The following BTBD9 variants were observed in gnomAD, a reference collection of about 807,000 sequenced individuals.
BTBD9 encodes the protein BTB/POZ domain-containing protein 9.
In BTBD9, 49 loss-of-function variants were observed where a neutral mutation model predicts 64.3. The ratio of observed to expected loss-of-function variants is 0.76; its 90% CI spans 0.61 to 0.97. The LOEUF (loss-of-function observed/expected upper bound fraction) is 0.97, where lower values mean the gene tolerates loss of function less well. Ranked by LOEUF, BTBD9 falls within the 50% of genes least tolerant of loss-of-function variation. BTBD9 has a pLI of 0.00. For missense variants in BTBD9, 598 were observed against 762.1 expected (o/e 0.78, Z 2.53); for synonymous variants, 260 against 274.7 (o/e 0.95, Z 0.53).
chr6:38,344,096 T>C (rs963024838), intron 7 of BTBD9, among the ~76,000 whole-genome samples: 1 of 152,140 alleles, frequency 6.6e-6, no homozygotes, highest in Non-Finnish European at 1.5e-5. Context: ...CCGGAACATA[T>C]GAAGTCCCTT....
intron 6 of BTBD9, among the ~76,000 whole-genome samples, chr6:38,544,199 T>C (rs1774421876): frequency 6.6e-6 from 1 of 152,204 alleles, no homozygotes; most frequent in Non-Finnish European, 1.5e-5. Flanking sequence ...TTAGGTATTA[T>C]AAGTAATCCA....
intron 6 of BTBD9, among the ~76,000 whole-genome samples, chr6:38,470,691 T>A (rs190069674): frequency 1.5e-4 from 23 of 152,106 alleles, no homozygotes; most frequent in African/African-American, 5.1e-4. Context: ...AAGAGAAGAG[T>A]GTGTACCTCT....
chr6:38,550,236 T>C lies in BTBD9; in HGVS notation c.1154+27364A>G, dbSNP rs566366857. On this transcript the variant is annotated intron_variant, in intron 6 of 10. Transcript: ENST00000481247. ...TTCTTCACATTCTTCACTGTCCTTA[T>C]CTCAGTCTAACATAGTTCTATCCTT... Among the ~76,000 whole-genome samples, 4 of 152,322 alleles carry C rather than the reference T, an allele frequency of 2.6e-5. No individual in the cohort carries two copies. In the East Asian group the frequency reaches 7.7e-4, roughly 29 times the overall value.
At chr6:38,511,063 C>T (rs72853429) in intron 6 of BTBD9, among the ~76,000 whole-genome samples, 28,774 of 152,102 alleles carry the variant, frequency 0.19, 3,479 homozygotes, top group Non-Finnish European at 0.29. Flanking sequence ...TGTAATACTA[C>T]AATGTTATGA....
intron 6 of BTBD9, among the ~76,000 whole-genome samples, chr6:38,551,763 C>T (rs556886121): frequency 2.6e-5 from 4 of 152,258 alleles, no homozygotes; most frequent in South Asian, 2.1e-4. Context: ...GGTTTTACAC[C>T]GGCAAACAAT....
chr6:38,618,792 T>C (rs1394956952), intron 1 of BTBD9, among the ~76,000 whole-genome samples: 1 of 152,160 alleles, frequency 6.6e-6, no homozygotes, highest in Non-Finnish European at 1.5e-5. Context: ...TACTGTTAGA[T>C]CAAACCTTGG....
At chr6:38,297,438 GC>G (rs1762200521) in intron 7 of BTBD9, among the ~76,000 whole-genome samples, 1 of 151,960 alleles carries the variant, frequency 6.6e-6, no homozygotes, top group Non-Finnish European at 1.5e-5. Context: ...GTTGATTTTT[GC>G]TTTATGTGTT....
chr6:38,257,063 C>CTTTTTTTT (rs745545678), intron 8 of BTBD9, among the ~76,000 whole-genome samples: 226 of 111,348 alleles, frequency 2.0e-3, no homozygotes, highest in African/African-American at 7.0e-3. Flanking sequence ...TTGCACACTT[C>CTTTTTTTT]TTTTTTTTTT....
intron 6 of BTBD9, among the ~76,000 whole-genome samples, chr6:38,505,115 A>AT (rs2127404558): frequency 6.6e-6 from 1 of 151,984 alleles, no homozygotes; most frequent in East Asian, 1.9e-4. Flanking sequence ...TGCTTTCTCA[A>AT]TTTTTTCTTA....
intron 6 of BTBD9, among the ~76,000 whole-genome samples, chr6:38,449,450 C>T (rs1323858223): frequency 6.6e-6 from 1 of 151,984 alleles, no homozygotes; most frequent in Admixed American, 6.5e-5. Flanking sequence ...AATAGAGACC[C>T]TAGAAATAAA....
intron 6 of BTBD9, among the ~76,000 whole-genome samples, chr6:38,379,706 T>C (rs532949053): frequency 6.6e-6 from 1 of 152,154 alleles, no homozygotes; most frequent in South Asian, 2.1e-4. Flanking sequence ...TATTAAAAAC[T>C]AACTTCAGGA....
At chr6:38,239,987 G>A (rs1180148745) in intron 9 of BTBD9, among the ~76,000 whole-genome samples, 3 of 152,194 alleles carry the variant, frequency 2.0e-5, no homozygotes, top group Non-Finnish European at 4.4e-5. Context: ...TAAGCCTCCC[G>A]ATAGCCAAGG....
chr6:38,168,739 T>C lies in BTBD9; in HGVS notation c.*6246A>G, dbSNP rs1766622959. The C allele has an allele frequency of 6.6e-6, 1 of 152,192 alleles. No homozygotes were observed. The highest frequency in any genetic ancestry group is 1.5e-5 in the Non-Finnish European group (1 of 68,034). The allele number at this position is 152,192 out of a possible 1,614,324, so 9.4% of individuals were successfully genotyped here. A position where few individuals can be genotyped will look rare whatever the true frequency, so the allele number is the denominator to read the frequency against. ...GAGTGGCCTGGGAGGTACACACATC[T>C]TTACAGGCCCAGAAACGCCAAAGGC... On this transcript the variant is annotated 3_prime_UTR_variant, in exon 11 of 11. Coordinates refer to ENST00000481247, the MANE Select transcript of BTBD9 (RefSeq NM_001099272.2).
At chr6:38,178,860 T>C (rs754241993) in intron 10 of BTBD9, among the ~76,000 whole-genome samples, 44 of 152,002 alleles carry the variant, frequency 2.9e-4, no homozygotes, top group Admixed American at 1.9e-3. Flanking sequence ...ATTTATTTAT[T>C]TATTTATTTA....
chr6:38,301,696 G>A (rs1047236262), intron 7 of BTBD9, among the ~76,000 whole-genome samples: 7 of 151,994 alleles, frequency 4.6e-5, no homozygotes, highest in South Asian at 2.1e-4. Context: ...CTGTGGGATC[G>A]GTGGTGATAT....
intron 9 of BTBD9, among the ~76,000 whole-genome samples, chr6:38,199,431 A>C (rs184116759): frequency 3.9e-5 from 6 of 152,254 alleles, no homozygotes; most frequent in Non-Finnish European, 8.8e-5. Flanking sequence ...ATATTGATCA[A>C]GTCCTTACTA....
chr6:38,314,206 T>C (rs1220476065), intron 7 of BTBD9, among the ~76,000 whole-genome samples: 1 of 152,030 alleles, frequency 6.6e-6, no homozygotes, highest in African/African-American at 2.4e-5. Context: ...TTTTATTTAT[T>C]TATTTTTGAG....
At chr6:38,585,165 TC>T (rs775436328) in intron 4 of BTBD9, among the ~76,000 whole-genome samples, 9 of 152,076 alleles carry the variant, frequency 5.9e-5, no homozygotes, top group Non-Finnish European at 8.8e-5. Context: ...CACTACACAC[TC>T]CCATGGAGGA....
At chr6:38,260,959 A>G (rs1291302061) in intron 8 of BTBD9, among the ~76,000 whole-genome samples, 1 of 152,096 alleles carries the variant, frequency 6.6e-6, no homozygotes, top group East Asian at 1.9e-4. Context: ...TTCTTTGGAA[A>G]CAGGGTTTTG....
Sources: gnomAD v4.1 joint callset for allele counts (sites outside exome capture counted in the v4.1 genomes callset) on GRCh38, gnomAD v4.1.1 for gene constraint, MANE v1.5 for transcripts, NCBI Gene and HGNC (gene_info 2026-07-23, HGNC 2026-07-21) for gene names.